Variants in MYO1E observed in about 807,000 individuals in gnomAD.
The protein encoded by MYO1E is myosin IE.
In MYO1E, 68 loss-of-function variants were observed where a neutral mutation model predicts 151.1. The observed-to-expected ratio is 0.45, with a 90% confidence interval of 0.37 to 0.55. The LOEUF (loss-of-function observed/expected upper bound fraction) is 0.55, where lower values mean the gene tolerates loss of function less well. Ranked by LOEUF, MYO1E falls within the 20% of genes least tolerant of loss-of-function variation. The pLI is 0.00. For synonymous variants in MYO1E, 601 were observed against 501.7 expected, an observed-to-expected ratio of 1.20 and a Z score of -2.64; for missense variants, 1,363 against 1,389.3, an observed-to-expected ratio of 0.98 and a Z score of 0.30.
chr15:59,178,354 G>C (rs755420051), intron 19 of MYO1E, 39 bp downstream of exon 19: 9 of 1,611,436 alleles, frequency 5.6e-6, no homozygotes, highest in African/African-American at 4.0e-5. Context: ...CGGGGGCCCC[G>C]CGGGAGGGAA....
intron 1 of MYO1E, among the ~76,000 whole-genome samples, chr15:59,366,664 G>C (rs1256414145): frequency 6.6e-6 from 1 of 152,074 alleles, no homozygotes; most frequent in African/African-American, 2.4e-5. Context: ...CACTATGTTA[G>C]GGCTGGCTTT....
intron 25 of MYO1E, among the ~76,000 whole-genome samples, chr15:59,157,999 G>C (rs185150878): frequency 5.3e-5 from 8 of 152,304 alleles, no homozygotes; most frequent in African/African-American, 1.9e-4. Context: ...TGGTTGTTAC[G>C]GACAAGGAAC....
chr15:59,168,611 A>T (rs2079574913), intron 22 of MYO1E, among the ~76,000 whole-genome samples: 1 of 152,144 alleles, frequency 6.6e-6, no homozygotes, highest in African/African-American at 2.4e-5. Flanking sequence ...TTCACGGATA[A>T]TCACAATTAT....
chr15:59,138,224 T>C lies in MYO1E; in HGVS notation c.3224A>G (p.Asn1075Ser), dbSNP rs188694704. The C allele has an allele frequency of 8.7e-5, 141 of 1,614,216 alleles. No individual in the cohort carries two copies. Among genetic ancestry groups the C allele is most frequent in the Middle Eastern group, 3.3e-4 (2 of 6,062 alleles). The change falls in exon 27 of 28, where the codon AAT becomes AGT. Residue 1075 changes from asparagine to serine, a missense_variant. Asn to Ser is a conservative substitution (Grantham distance 46). Coordinates refer to ENST00000288235, the MANE Select transcript of MYO1E (RefSeq NM_004998.4). Reference sequence around the variant, plus strand: ...TTCTTTGATAATATCAATAATGTCATTGGCATTAAAGCTGAGTTCGTCTGT... The same window carrying C: ...TTCTTTGATAATATCAATAATGTCACTGGCATTAAAGCTGAGTTCGTCTGT... ...QDTDELSFNA[N>S]DIIDIIKEDP...
chr15:59,210,083 G>C (rs774695888), intron 13 of MYO1E, among the ~76,000 whole-genome samples: 1 of 151,790 alleles, frequency 6.6e-6, no homozygotes, highest in Non-Finnish European at 1.5e-5. Context: ...GCTGGGGCTG[G>C]TCTTGAACCC....
chr15:59,322,711 T>G (rs1024892334), intron 1 of MYO1E, among the ~76,000 whole-genome samples: 8 of 152,192 alleles, frequency 5.3e-5, no homozygotes, highest in African/African-American at 1.9e-4. Context: ...TTGTATTGAT[T>G]CTAAAAAGCA....
Position 59,172,012 on chromosome 15 carries a change from T to C in MYO1E, c.2365A>G (p.Lys789Glu), listed in dbSNP as rs751254130. ...TCTCGTCCGATTAAGTACAAGCACT[T>C]TGGGGTAAGGAGCAGGTCTCGCTTT... ...GVKRDLLLTP[K>E]CLYLIGREKV... Residue 789 changes from lysine (K) to glutamate (E), a missense_variant, in exon 22 of 28, where the codon AAG (lysine) becomes GAG (glutamate). Lys to Glu is a moderately conservative substitution (Grantham distance 56, BLOSUM62 1). Transcript: ENST00000288235. 12 of 1,614,174 alleles carry C rather than the reference T, an allele frequency of 7.4e-6. 1 individual carries two copies. In the East Asian group the frequency reaches 8.9e-5, roughly 12 times the overall value.
At chr15:59,361,942 T>G (rs2080887827) in intron 1 of MYO1E, among the ~76,000 whole-genome samples, 1 of 152,136 alleles carries the variant, frequency 6.6e-6, no homozygotes, top group African/African-American at 2.4e-5. Context: ...GTTCAAACGA[T>G]TCTCCTGCCT....
chr15:59,218,188 T>C (rs536249710), intron 9 of MYO1E, 101 bp from the exon 10 acceptor site: 67 of 1,411,016 alleles, frequency 4.7e-5, no homozygotes, highest in African/African-American at 3.8e-4. Context: ...TGCACGTGTG[T>C]GTGCATAGAA....
intron 1 of MYO1E, among the ~76,000 whole-genome samples, chr15:59,355,376 A>G (rs1273949006): frequency 3.9e-5 from 6 of 152,094 alleles, no homozygotes; most frequent in African/African-American, 1.2e-4. Context: ...GGTGATCTAC[A>G]TATCTTTCCA....
rs1446333221 is a variant in MYO1E at position 59,214,323 on chromosome 15, A to G, written c.1189-9T>C. On this transcript the variant is annotated splice_polypyrimidine_tract_variant and intron_variant, in intron 11 of 27. Coordinates refer to ENST00000288235, the MANE Select transcript of MYO1E (RefSeq NM_004998.4). ...TGTTCAAAGCCATTTTTCTGGAAAA[A>G]AAAAGTTATTCACATGTAATTCTTT... 6.3e-7 allele frequency: 1 copy of G among 1,590,236 alleles called. No homozygotes were observed. The highest frequency in any genetic ancestry group is 1.3e-5 in the African/African-American group (1 of 74,418).
chr15:59,162,290 G>T (rs1431863054), intron 23 of MYO1E, among the ~76,000 whole-genome samples: 1 of 152,218 alleles, frequency 6.6e-6, no homozygotes, highest in Non-Finnish European at 1.5e-5. Context: ...GCAAATATGA[G>T]ATTAGAGGGT....
chr15:59,319,026 A>G (rs1480308804), intron 1 of MYO1E, among the ~76,000 whole-genome samples: 1 of 152,182 alleles, frequency 6.6e-6, no homozygotes, highest in Non-Finnish European at 1.5e-5. Flanking sequence ...AATATATTTT[A>G]GTGGCTGGGT....
At chr15:59,338,077 C>A (rs1310188948) in intron 1 of MYO1E, among the ~76,000 whole-genome samples, 1 of 151,582 alleles carries the variant, frequency 6.6e-6, no homozygotes, top group Non-Finnish European at 1.5e-5. Context: ...GTGGTCTTTG[C>A]AGAGTCAGGT....
intron 26 of MYO1E, among the ~76,000 whole-genome samples, chr15:59,148,290 C>T (rs1166522664): frequency 1.3e-5 from 2 of 152,164 alleles, no homozygotes; most frequent in African/African-American, 4.8e-5. Flanking sequence ...AGGACTCACC[C>T]TACTCTTACA....
intron 1 of MYO1E, among the ~76,000 whole-genome samples, chr15:59,324,219 T>A (rs2140418827): frequency 6.6e-6 from 1 of 152,272 alleles, no homozygotes; most frequent in South Asian, 2.1e-4. Context: ...TCCAATTAAT[T>A]CTATTCTGCA....
chr15:59,181,777 T>C (rs2079662662), intron 18 of MYO1E, among the ~76,000 whole-genome samples: 1 of 152,254 alleles, frequency 6.6e-6, no homozygotes, highest in Non-Finnish European at 1.5e-5. Flanking sequence ...GGGTGTATAA[T>C]ACATGCAGAT....
At chr15:59,263,673 G>A (rs1462711183) in intron 2 of MYO1E, among the ~76,000 whole-genome samples, 2 of 152,090 alleles carry the variant, frequency 1.3e-5, no homozygotes, top group African/African-American at 4.8e-5. Context: ...TTGAAGGGGT[G>A]GAACATGAAT....
intron 12 of MYO1E, among the ~76,000 whole-genome samples, chr15:59,213,210 G>A (rs932889839): frequency 4.6e-5 from 7 of 150,868 alleles, no homozygotes; most frequent in African/African-American, 7.3e-5. Flanking sequence ...TCGCTCTGTC[G>A]CCAAGGCTGG....
Sources: allele counts gnomAD v4.1 joint callset (sites outside exome capture counted in the v4.1 genomes callset), GRCh38; gene constraint gnomAD v4.1.1; transcripts MANE v1.5; gene names NCBI Gene and HGNC (gene_info 2026-07-23, HGNC 2026-07-21).